CNGA1: variants seen among roughly 807,000 people sequenced by gnomAD.
CNGA1 encodes cyclic nucleotide-gated channel alpha-1.
A neutral mutation model predicts 69.7 loss-of-function variants in CNGA1; 53 were observed. The ratio of observed to expected loss-of-function variants is 0.76; its 90% CI spans 0.61 to 0.96. The LOEUF is 0.96. Ranked by LOEUF, CNGA1 falls within the 40% of genes least tolerant of loss-of-function variation. The pLI, the probability that CNGA1 is intolerant of heterozygous loss-of-function variation, is 0.00. For synonymous variants in CNGA1, 249 were observed against 283.5 expected, an observed-to-expected ratio of 0.88 and a Z score of 1.22; for missense variants, 739 against 811.2, an observed-to-expected ratio of 0.91 and a Z score of 1.08.
chr4:47,948,709 G>A (rs1739570251), intron 6 of CNGA1, among the ~76,000 whole-genome samples: 1 of 152,170 alleles, frequency 6.6e-6, no homozygotes, highest in African/African-American at 2.4e-5. Context: ...GAGGGGAGAT[G>A]TATTTGCACC....
At chr4:47,958,621 CA>C (rs60052755) in intron 3 of CNGA1, among the ~76,000 whole-genome samples, 44,408 of 140,268 alleles carry the variant, frequency 0.32, 6,828 homozygotes, top group East Asian at 0.59. Context: ...GACTCCGCCT[CA>C]AAAAAAAAAA....
At chr4:47,959,100 G>C (rs1740272625) in intron 3 of CNGA1, 1 of 152,128 alleles carries the variant, frequency 6.6e-6, no homozygotes, top group Admixed American at 6.5e-5. Context: ...ATGAAGCATG[G>C]AGATTTTGAG....
At chr4:47,946,050 G>C (rs771091824) in intron 6 of CNGA1, among the ~76,000 whole-genome samples, 3 of 152,206 alleles carry the variant, frequency 2.0e-5, no homozygotes, top group Non-Finnish European at 4.4e-5. Flanking sequence ...TCCTTGGCTT[G>C]TGAGGAAAGA....
At chr4:48,008,330 A>G (rs1715009842) in intron 2 of CNGA1, among the ~76,000 whole-genome samples, 1 of 152,166 alleles carries the variant, frequency 6.6e-6, no homozygotes, top group East Asian at 1.9e-4. Flanking sequence ...TCTTTCTCAT[A>G]TAAAATTATT....
Position 47,951,400 on chromosome 4 carries a change from C to G in CNGA1, c.177G>C (p.Arg59Ser). The G allele has an allele frequency of 6.2e-7, 1 of 1,613,810 alleles. No homozygotes were observed. The highest frequency in any genetic ancestry group is 8.5e-7 in the Non-Finnish European group (1 of 1,179,792). ...TGAGTGACTTATAACTAAAGGAACC[C>G]CTTGCATGAGGGTTTTCATTCTCTG... ...EESENENPHA[R>S]GSFSYKSLRK... is the part of the protein sequence containing the mutation. The change falls in exon 5 of 11, where the codon AGG becomes AGC. Residue 59 changes from arginine (R) to serine (S), a missense_variant. Arg to Ser is a moderately radical substitution (Grantham distance 110). Transcript: ENST00000514170.
intron 1 of CNGA1, among the ~76,000 whole-genome samples, chr4:48,014,542 G>C (rs760243639): frequency 6.6e-6 from 1 of 152,068 alleles, no homozygotes; most frequent in Non-Finnish European, 1.5e-5. Flanking sequence ...TTACCAAATG[G>C]GTTAAGAGCA....
intron 2 of CNGA1, among the ~76,000 whole-genome samples, chr4:48,009,958 T>C (rs1012818026): frequency 3.3e-5 from 5 of 152,210 alleles, no homozygotes; most frequent in African/African-American, 1.2e-4. Context: ...CACAAATACA[T>C]AGACATATTA....
chr4:47,974,709 G>GTTTTTTTTTTT, intron 3 of CNGA1, among the ~76,000 whole-genome samples: 1 of 147,268 alleles, frequency 6.8e-6, no homozygotes. Context: ...GCAGAACTAA[G>GTTTTTTTTTTT]TTTTTTTTTT....
chr4:48,008,257 C>G (rs966729555), intron 2 of CNGA1, among the ~76,000 whole-genome samples: 5 of 151,998 alleles, frequency 3.3e-5, no homozygotes, highest in African/African-American at 1.2e-4. Context: ...CTGGTTTGTC[C>G]TGAACATCCC....
chr4:47,995,544 C>T (rs991728094), intron 2 of CNGA1, among the ~76,000 whole-genome samples: 3 of 118,990 alleles, frequency 2.5e-5, no homozygotes, highest in Non-Finnish European at 5.4e-5. Context: ...TCTCCCTTCA[C>T]TTCTTGTATC....
intron 1 of CNGA1, among the ~76,000 whole-genome samples, chr4:48,014,667 G>A (rs1715300679): frequency 6.6e-6 from 1 of 152,098 alleles, no homozygotes; most frequent in Admixed American, 6.5e-5. Flanking sequence ...CTGTAAAGTG[G>A]GGGTAGTAGT....
chr4:47,940,148 A>G (rs1198875204), intron 10 of CNGA1, among the ~76,000 whole-genome samples: 1 of 152,212 alleles, frequency 6.6e-6, no homozygotes, highest in African/African-American at 2.4e-5. Flanking sequence ...AGCTACAAAT[A>G]TGACAGGGCA....
chr4:48,011,350 AC>A (rs1715153511), intron 1 of CNGA1, among the ~76,000 whole-genome samples: 1 of 151,938 alleles, frequency 6.6e-6, no homozygotes, highest in South Asian at 2.1e-4. Context: ...GAGAAAAAAA[AC>A]AAAACAAAAC....
At chr4:47,948,298 C>T (rs146735666) in intron 6 of CNGA1, among the ~76,000 whole-genome samples, 2,195 of 152,120 alleles carry the variant, frequency 0.014, 24 homozygotes, top group Non-Finnish European at 0.022. Context: ...CTTTTTGAAA[C>T]CACAGCTGAA....
chr4:47,947,946 C>T (rs191652337), intron 6 of CNGA1, among the ~76,000 whole-genome samples: 59 of 152,312 alleles, frequency 3.9e-4, no homozygotes, highest in African/African-American at 1.4e-3. Flanking sequence ...GACTCCAAAA[C>T]AGTGCTTTCT....
intron 2 of CNGA1, among the ~76,000 whole-genome samples, chr4:48,006,399 C>T (rs1188477136): frequency 6.6e-6 from 1 of 152,112 alleles, no homozygotes; most frequent in African/African-American, 2.4e-5. Context: ...ATAATTATTA[C>T]TGATAATGTA....
chr4:47,959,887 T>C (rs1740323556), intron 3 of CNGA1, among the ~76,000 whole-genome samples: 1 of 152,158 alleles, frequency 6.6e-6, no homozygotes, highest in Non-Finnish European at 1.5e-5. Context: ...ATTACAGTTG[T>C]GAGCCACCAC....
At chr4:48,012,556 ATCTTTTTTTTT>A (rs1333184831) in intron 1 of CNGA1, among the ~76,000 whole-genome samples, 1 of 80,306 alleles carries the variant, frequency 1.2e-5, no homozygotes, top group Non-Finnish European at 2.3e-5. Flanking sequence ...CCACCACACC[ATCTTTTTTTTT>A]TTTTTTTTTT....
intron 3 of CNGA1, among the ~76,000 whole-genome samples, chr4:47,962,962 AT>A (rs35562218): frequency 0.12 from 17,547 of 144,800 alleles, 1,546 homozygotes; most frequent in East Asian, 0.32. Context: ...TAATAGCTGA[AT>A]TTTTTTTTTT....
Sources: allele counts gnomAD v4.1 joint callset (sites outside exome capture counted in the v4.1 genomes callset), GRCh38; gene constraint gnomAD v4.1.1; transcripts MANE v1.5; gene names NCBI Gene and HGNC (gene_info 2026-07-23, HGNC 2026-07-21).